Variants in KCNH8 observed in about 807,000 individuals in gnomAD.
KCNH8 encodes the protein voltage-gated delayed rectifier potassium channel KCNH8.
A neutral mutation model predicts 103.6 loss-of-function variants in KCNH8; 70 were observed. That is an observed-to-expected ratio of 0.68 (90% CI 0.56 to 0.82). KCNH8 has a LOEUF of 0.82. Ranked by LOEUF, KCNH8 falls within the 40% of genes least tolerant of loss-of-function variation. The probability of loss-of-function intolerance (pLI) is 0.00; values close to 1 mark genes in which losing one functional copy is unlikely to be tolerated. For synonymous variants in KCNH8, 498 were observed against 489.4 expected, an observed-to-expected ratio of 1.02 and a Z score of -0.23; for missense variants, 1,217 against 1,329.9, an observed-to-expected ratio of 0.92 and a Z score of 1.32.
intron 11 of KCNH8, among the ~76,000 whole-genome samples, chr3:19,507,715 A>C (rs892257081): frequency 2.0e-5 from 3 of 152,036 alleles, no homozygotes; most frequent in African/African-American, 7.3e-5. Flanking sequence ...TGGGTGGAAA[A>C]AGGTCTGGCT....
At chr3:19,426,102 C>T (rs566625976) in intron 7 of KCNH8, among the ~76,000 whole-genome samples, 169 of 152,186 alleles carry the variant, frequency 1.1e-3, no homozygotes, top group Middle Eastern at 3.4e-3. Flanking sequence ...TCCACCAAGG[C>T]CTGGGATAGC....
chr3:19,163,384 A>G lies in KCNH8; in HGVS notation c.76+14589A>G, dbSNP rs576390144. 2.6e-5 allele frequency among the ~76,000 whole-genome samples: 4 copies of G among 151,238 alleles called. No homozygotes were observed. In the East Asian group the frequency reaches 7.7e-4, roughly 29 times the overall value. On this transcript the variant is annotated intron_variant, in intron 1 of 15. Transcript: ENST00000328405. ...ATATAATAAAACTAGTCAAAACTAA[A>G]ACCAAATACTTAAAGAATTATATTA... is the stretch of plus-strand genomic sequence containing the variant.
intron 11 of KCNH8, among the ~76,000 whole-genome samples, chr3:19,495,577 T>C (rs2068421536): frequency 6.6e-6 from 1 of 152,188 alleles, no homozygotes; most frequent in African/African-American, 2.4e-5. Flanking sequence ...TCTGGTTTTG[T>C]ACAAGGACCC....
chr3:19,435,104 T>C (rs1480016493), intron 7 of KCNH8, among the ~76,000 whole-genome samples: 1 of 152,156 alleles, frequency 6.6e-6, no homozygotes, highest in Non-Finnish European at 1.5e-5. Context: ...TTGATTGTGG[T>C]AATCATTTCA....
intron 10 of KCNH8, 68 bp downstream of exon 10, chr3:19,451,472 G>A: frequency 7.2e-7 from 1 of 1,394,722 alleles, no homozygotes; most frequent in Non-Finnish European, 1.0e-6. Flanking sequence ...ATGAAATGGG[G>A]GAAAAAACTG....
At chr3:19,523,393 A>C (rs1237241011) in intron 15 of KCNH8, among the ~76,000 whole-genome samples, 1 of 151,866 alleles carries the variant, frequency 6.6e-6, no homozygotes, top group Non-Finnish European at 1.5e-5. Flanking sequence ...CTCATTTTCA[A>C]CTCCTCAAAA....
chr3:19,214,346 T>TA (rs1202662860), intron 1 of KCNH8, among the ~76,000 whole-genome samples: 1 of 152,238 alleles, frequency 6.6e-6, no homozygotes, highest in Non-Finnish European at 1.5e-5. Context: ...GACCATCCCA[T>TA]AGCTGCTAGG....
chr3:19,153,167 T>C (rs2063147176), intron 1 of KCNH8, among the ~76,000 whole-genome samples: 1 of 152,164 alleles, frequency 6.6e-6, no homozygotes. Flanking sequence ...TTCTGATAAC[T>C]TCACTACAAT....
At chr3:19,440,899 T>G (rs991455244) in intron 8 of KCNH8, among the ~76,000 whole-genome samples, 2 of 152,174 alleles carry the variant, frequency 1.3e-5, no homozygotes, top group Non-Finnish European at 2.9e-5. Flanking sequence ...TTATACTATT[T>G]TCTCTGGACT....
chr3:19,450,875 T>C lies in KCNH8; in HGVS notation c.1576-280T>C, dbSNP rs2067437565. On this transcript the variant is annotated intron_variant, in intron 9 of 15. Coordinates refer to ENST00000328405, the MANE Select transcript of KCNH8 (RefSeq NM_144633.3). ...ATCTTCTGTCCTGACTAGGACTCTC[T>C]GTGAGAAGGAAGTCACAATGAGTTA... 3.1e-5 allele frequency: 12 copies of C among 392,210 alleles called. No individual in the cohort carries two copies. In the South Asian group the frequency reaches 3.3e-4, roughly 11 times the overall value. The allele number at this position is 392,210 out of a possible 1,614,324, so 24.3% of individuals were successfully genotyped here.
intron 15 of KCNH8, among the ~76,000 whole-genome samples, chr3:19,519,966 TTTG>T (rs1429585527): frequency 6.6e-6 from 1 of 151,790 alleles, no homozygotes; most frequent in Non-Finnish European, 1.5e-5. Flanking sequence ...ATCCACACAG[TTTG>T]TTATTTTCCT....
chr3:19,477,116 G>A (rs558145921), intron 11 of KCNH8, among the ~76,000 whole-genome samples: 55 of 152,208 alleles, frequency 3.6e-4, no homozygotes, highest in Non-Finnish European at 7.1e-4. Context: ...TAGCCCTTTT[G>A]CTGGGAGAAG....
At chr3:19,270,603 C>A (rs2064574588) in intron 2 of KCNH8, among the ~76,000 whole-genome samples, 2 of 152,046 alleles carry the variant, frequency 1.3e-5, no homozygotes, top group African/African-American at 4.8e-5. Context: ...GAGGTGCCCA[C>A]TTTATTTTAG....
chr3:19,378,531 G>C (rs1256954192), intron 5 of KCNH8, among the ~76,000 whole-genome samples: 2 of 152,196 alleles, frequency 1.3e-5, no homozygotes, highest in African/African-American at 2.4e-5. Context: ...CCTCTGCCAT[G>C]CTCTGTATTT....
At chr3:19,292,265 A>G (rs528246904) in intron 3 of KCNH8, among the ~76,000 whole-genome samples, 14 of 152,304 alleles carry the variant, frequency 9.2e-5, no homozygotes, top group African/African-American at 2.4e-4. Context: ...TTCAATTACA[A>G]TTTCTAAAAA....
intron 1 of KCNH8, among the ~76,000 whole-genome samples, chr3:19,189,420 A>G (rs1024109916): frequency 6.6e-6 from 1 of 151,936 alleles, no homozygotes; most frequent in African/African-American, 2.4e-5. Flanking sequence ...ATAGCAGTTC[A>G]TATTGTGGGG....
chr3:19,486,423 G>A (rs2068210790), intron 11 of KCNH8, among the ~76,000 whole-genome samples: 1 of 152,194 alleles, frequency 6.6e-6, no homozygotes. Flanking sequence ...TTCAGCTTTT[G>A]CCCAAGGGTT....
intron 7 of KCNH8, among the ~76,000 whole-genome samples, chr3:19,430,603 C>A (rs1357274871): frequency 1.3e-5 from 2 of 151,968 alleles, no homozygotes; most frequent in African/African-American, 4.8e-5. Flanking sequence ...ATATTAATTC[C>A]TTCTATGCAT....
At chr3:19,500,672 C>G (rs937847391) in intron 11 of KCNH8, among the ~76,000 whole-genome samples, 12 of 151,910 alleles carry the variant, frequency 7.9e-5, no homozygotes, top group South Asian at 2.1e-4. Flanking sequence ...ACCTGCTCCT[C>G]AATGACTACT....
Sources: allele counts gnomAD v4.1 joint callset (sites outside exome capture counted in the v4.1 genomes callset), GRCh38; gene constraint gnomAD v4.1.1; transcripts MANE v1.5; gene names NCBI Gene and HGNC (gene_info 2026-07-23, HGNC 2026-07-21).